NNMT: variants seen among roughly 807,000 people sequenced by gnomAD.
NNMT encodes nicotinamide N-methyltransferase.
Under a neutral mutation model 11.7 loss-of-function variants are expected in NNMT, and 10 were observed. The ratio of observed to expected loss-of-function variants is 0.85; its 90% CI spans 0.53 to 1.45. The LOEUF is 1.45. NNMT is among the 40% of genes most tolerant of loss of function. NNMT has a pLI of 0.00. For missense variants in NNMT, 381 were observed against 319.4 expected, an observed-to-expected ratio of 1.19 and a Z score of -1.47; for synonymous variants, 143 against 133.8, an observed-to-expected ratio of 1.07 and a Z score of -0.48.
intron 2 of NNMT, among the ~76,000 whole-genome samples, chr11:114,304,291 C>A (rs758188988): frequency 6.6e-6 from 1 of 152,164 alleles, no homozygotes; most frequent in Non-Finnish European, 1.5e-5. Flanking sequence ...TATCCACCAC[C>A]GGCCTTTCCA....
chr11:114,281,519 A>G (rs1945263286), intron 2 of NNMT, among the ~76,000 whole-genome samples: 1 of 152,132 alleles, frequency 6.6e-6, no homozygotes, highest in Non-Finnish European at 1.5e-5. Context: ...AGATAAAAGA[A>G]TTTAGACAAG....
Position 114,274,383 on chromosome 11 carries a change from C to T in NNMT, c.-130+11449C>T, listed in dbSNP as rs189780399. ...AGTCTTTCTAGGAGACCATTGCCTCCAACTACATGGACAAGAATGTCCTGG... is the reference window on the plus strand; with the variant it reads ...AGTCTTTCTAGGAGACCATTGCCTCTAACTACATGGACAAGAATGTCCTGG... On this transcript the variant is annotated intron_variant, in intron 2 of 4. Coordinates refer to the NNMT transcript ENST00000535401. 7.7e-3 allele frequency among the ~76,000 whole-genome samples: 1,173 copies of T among 152,342 alleles called. 45 individuals carry two copies. The highest frequency in any genetic ancestry group is 0.055 in the Admixed American group (844 of 15,302).
At chr11:114,268,701 G>T (rs1309026061) in intron 2 of NNMT, among the ~76,000 whole-genome samples, 1 of 147,682 alleles carries the variant, frequency 6.8e-6, no homozygotes, top group Non-Finnish European at 1.5e-5. Flanking sequence ...CCTGGGAGGC[G>T]CAGCTTGCAG....
intron 2 of NNMT, among the ~76,000 whole-genome samples, chr11:114,283,353 C>T (rs1245666394): frequency 3.9e-5 from 6 of 152,160 alleles, no homozygotes; most frequent in Admixed American, 3.9e-4. Context: ...GTCACATACA[C>T]ACGTAATGTG....
At chr11:114,300,636 G>A (rs1285079765) in intron 2 of NNMT, among the ~76,000 whole-genome samples, 3 of 152,170 alleles carry the variant, frequency 2.0e-5, no homozygotes, top group African/African-American at 7.2e-5. Flanking sequence ...AACTATGATT[G>A]TTGATTTATC....
intron 2 of NNMT, among the ~76,000 whole-genome samples, chr11:114,282,218 T>G (rs985057985): frequency 1.3e-5 from 2 of 152,180 alleles, no homozygotes; most frequent in African/African-American, 4.8e-5. Context: ...AGTGAGACCC[T>G]GTCTCAACAA....
chr11:114,297,754 T>C (rs1945396341), intron 1 of NNMT, among the ~76,000 whole-genome samples, 197 bp from the exon 2 acceptor site: 1 of 152,192 alleles, frequency 6.6e-6, no homozygotes. Context: ...TCCAGAGTAT[T>C]GGGACTGTAG....
chr11:114,273,732 C>T (rs545070363), intron 2 of NNMT, among the ~76,000 whole-genome samples: 6 of 152,122 alleles, frequency 3.9e-5, no homozygotes, highest in South Asian at 4.1e-4. Flanking sequence ...CCCAGCTACT[C>T]GGGAGGCTGA....
chr11:114,303,262 C>A (rs527680326), intron 2 of NNMT, among the ~76,000 whole-genome samples: 14 of 151,972 alleles, frequency 9.2e-5, no homozygotes, highest in Non-Finnish European at 1.9e-4. Context: ...CTTATCAAGT[C>A]GGGTAAAAAG....
chr11:114,299,628 C>T (rs987143518), intron 2 of NNMT, among the ~76,000 whole-genome samples: 1 of 152,094 alleles, frequency 6.6e-6, no homozygotes, highest in Non-Finnish European at 1.5e-5. Context: ...TAGCATTTAC[C>T]AGCGAAGCCA....
chr11:114,258,890 T>C (rs1945051960), intron 1 of NNMT, among the ~76,000 whole-genome samples: 1 of 151,918 alleles, frequency 6.6e-6, no homozygotes, highest in South Asian at 2.1e-4. Flanking sequence ...CGTGTGCTGT[T>C]TCCTCTTCTG....
chr11:114,303,037 A>T (rs189133608), intron 2 of NNMT, among the ~76,000 whole-genome samples: 118 of 152,290 alleles, frequency 7.7e-4, no homozygotes, highest in African/African-American at 2.6e-3. Context: ...TGAGCCACCC[A>T]GTCTATGGTA....
chr11:114,280,974 C>G (rs954819151), intron 2 of NNMT, among the ~76,000 whole-genome samples: 15 of 152,152 alleles, frequency 9.9e-5, no homozygotes, highest in African/African-American at 3.6e-4. Context: ...GACCTCCACC[C>G]GGCCATGTAT....
chr11:114,297,824 G>C (rs560287569), intron 1 of NNMT, 127 bp from the exon 2 acceptor site: 71 of 772,138 alleles, frequency 9.2e-5, no homozygotes, highest in Non-Finnish European at 1.4e-4. Flanking sequence ...TGAGGGAAAA[G>C]TTGTGAACAG....
At chr11:114,297,476 A>G (rs1371881375) in intron 1 of NNMT, 1 of 120,982 alleles carries the variant, frequency 8.3e-6, no homozygotes, top group African/African-American at 3.0e-5. Flanking sequence ...TGGGGAAAAT[A>G]TGGGATTTTT....
rs1248512693 is a variant in NNMT, at chr11:114,312,233, G to A, written c.551G>A (p.Gly184Asp). The stretch of plus-strand genomic sequence containing the variant: ...TACTGCAGGGCGCTCAGGAACCTCG[G>A]CAGCCTACTGAAGCCAGGGGGCTTC... ...PTYCRALRNL[G>D]SLLKPGGFLV... The change falls in exon 3 of 3, where the codon GGC becomes GAC. Residue 184 changes from glycine to aspartate, a missense_variant. By Grantham distance (94) the Gly-to-Asp change is moderately conservative (BLOSUM62 -1). Transcript: ENST00000299964. 4 of 1,614,212 alleles carry A rather than the reference G, an allele frequency of 2.5e-6. No individual in the cohort carries two copies. The highest frequency in any genetic ancestry group is 3.3e-5 in the Admixed American group (2 of 60,030).
chr11:114,296,442 T>TGGAA lies in NNMT; in HGVS notation c.-110_-107dup. On this transcript the variant is annotated 5_prime_UTR_variant, in exon 1 of 3. In the 5' UTR this introduces an upstream ATG that the reference lacks. Transcript: ENST00000299964. ...TGTTCTAAAAGAAGGGCTGAACTGATGGAAGGAATGCTGTTAGCCTGAGAC... is the reference window on the plus strand; with the variant it reads ...TGTTCTAAAAGAAGGGCTGAACTGATGGAAGGAAGGAATGCTGTTAGCCTGAGAC... The TGGAA allele has an allele frequency of 9.6e-7, 1 of 1,044,308 alleles. No individual in the cohort carries two copies. The highest frequency in any genetic ancestry group is 1.4e-6 in the Non-Finnish European group (1 of 717,058). The allele number at this position is 1,044,308 out of a possible 1,614,324, so 64.7% of individuals were successfully genotyped here.
At chr11:114,277,683 C>T (rs1017799278) in intron 2 of NNMT, among the ~76,000 whole-genome samples, 1 of 152,166 alleles carries the variant, frequency 6.6e-6, no homozygotes, top group Non-Finnish European at 1.5e-5. Context: ...GTAATTGTGG[C>T]ACTATCCCTA....
chr11:114,278,186 T>C (rs1413600299), intron 2 of NNMT, among the ~76,000 whole-genome samples: 1 of 152,104 alleles, frequency 6.6e-6, no homozygotes, highest in Non-Finnish European at 1.5e-5. Context: ...CTTACAATCA[T>C]GGCGGAAGGC....
Sources: allele counts gnomAD v4.1 joint callset (sites outside exome capture counted in the v4.1 genomes callset), GRCh38; gene constraint gnomAD v4.1.1; transcripts MANE v1.5; gene names NCBI Gene and HGNC (gene_info 2026-07-23, HGNC 2026-07-21).